The following AQR variants were observed in gnomAD, a reference collection of about 807,000 sequenced individuals.
AQR encodes RNA helicase aquarius.
In AQR, 61 loss-of-function variants were observed where a neutral mutation model predicts 180.5. That is an observed-to-expected ratio of 0.34 (90% confidence interval 0.28 to 0.42). The LOEUF is 0.42. Among genes scored for constraint, AQR ranks in the 10% least tolerant of loss-of-function variants. The pLI, the probability that AQR is intolerant of heterozygous loss-of-function variation, is 1.00. For missense variants in AQR, 1,281 were observed against 1,798.3 expected, an observed-to-expected ratio of 0.71 and a Z score of 5.20; for synonymous variants, 551 against 588.8, an observed-to-expected ratio of 0.94 and a Z score of 0.93.
At chr15:34,882,660 G>A (rs1029830898) in intron 26 of AQR, 21 bp from the exon 27 acceptor site, 5 of 1,587,560 alleles carry the variant, frequency 3.1e-6, no homozygotes, top group Non-Finnish European at 4.3e-6. Flanking sequence ...GAGGAGCAAT[G>A]AAAGATAATT....
At chr15:34,892,297 G>C (rs1208624800) in intron 23 of AQR, among the ~76,000 whole-genome samples, 1 of 152,102 alleles carries the variant, frequency 6.6e-6, no homozygotes, top group Admixed American at 6.5e-5. Context: ...ATTTCACATG[G>C]ATTTGAAATT....
intron 26 of AQR, among the ~76,000 whole-genome samples, chr15:34,882,926 G>T (rs1278366785): frequency 2.0e-5 from 3 of 152,040 alleles, no homozygotes; most frequent in Non-Finnish European, 4.4e-5. Context: ...ATTACTCAAC[G>T]TCCCTCCAGG....
chr15:34,915,966 G>A (rs1467908658), intron 15 of AQR, among the ~76,000 whole-genome samples: 1 of 151,736 alleles, frequency 6.6e-6, no homozygotes, highest in South Asian at 2.1e-4. Flanking sequence ...AAAAAAAAGA[G>A]AGAGAATTGG....
At chr15:34,912,416 T>TA (rs1391583553) in intron 16 of AQR, among the ~76,000 whole-genome samples, 2 of 152,142 alleles carry the variant, frequency 1.3e-5, no homozygotes, top group Admixed American at 6.5e-5. Context: ...CCTCTTTACT[T>TA]AGTTTTATTT....
At chr15:34,908,162 C>T (rs1174762158) in intron 17 of AQR, among the ~76,000 whole-genome samples, 2 of 152,108 alleles carry the variant, frequency 1.3e-5, no homozygotes, top group African/African-American at 4.8e-5. Flanking sequence ...TTTTATAAAA[C>T]AATATTCAGC....
intron 26 of AQR, among the ~76,000 whole-genome samples, chr15:34,883,770 A>C (rs1893011871): frequency 6.6e-6 from 1 of 152,214 alleles, no homozygotes; most frequent in Non-Finnish European, 1.5e-5. Flanking sequence ...CTATTTTTGC[A>C]ATGATGATTC....
chr15:34,888,771 G>A (rs1444441719), intron 24 of AQR, among the ~76,000 whole-genome samples: 1 of 152,116 alleles, frequency 6.6e-6, no homozygotes, highest in Non-Finnish European at 1.5e-5. Flanking sequence ...AGTTGTTTTA[G>A]GATAGTGTAA....
At chr15:34,860,545 T>C (rs573065178) in intron 33 of AQR, among the ~76,000 whole-genome samples, 12 of 152,152 alleles carry the variant, frequency 7.9e-5, no homozygotes, top group Non-Finnish European at 1.6e-4. Flanking sequence ...TAGTTTACTA[T>C]CTAATATAAA....
At chr15:34,961,063 T>C (rs1306224079) in intron 2 of AQR, among the ~76,000 whole-genome samples, 2 of 152,182 alleles carry the variant, frequency 1.3e-5, no homozygotes, top group African/African-American at 2.4e-5. Context: ...GATGTGCTTA[T>C]AAAGATTTTT....
chr15:34,930,908 C>T (rs1218464742), intron 11 of AQR, among the ~76,000 whole-genome samples: 1 of 147,250 alleles, frequency 6.8e-6, no homozygotes, highest in Non-Finnish European at 1.5e-5. Flanking sequence ...GCGATCTCGG[C>T]TCACTGCAAG....
chr15:34,927,841 T>C (rs946808617), intron 12 of AQR, among the ~76,000 whole-genome samples: 3 of 152,118 alleles, frequency 2.0e-5, no homozygotes, highest in African/African-American at 7.2e-5. Context: ...GATTATGAGA[T>C]TACTACACAC....
chr15:34,923,623 T>TG (rs1413821655), intron 13 of AQR, among the ~76,000 whole-genome samples: 27 of 152,316 alleles, frequency 1.8e-4, no homozygotes, highest in African/African-American at 6.5e-4. Context: ...ATGCAAGGTA[T>TG]GGGTCAATGT....
In AQR at chr15:34,884,659, A is replaced by C; in HGVS notation, c.2893T>G (p.Ser965Ala). 1 of 1,612,792 alleles carries C rather than the reference A, an allele frequency of 6.2e-7. No individual in the cohort carries two copies. Among genetic ancestry groups the C allele is most frequent in the Non-Finnish European group, 8.5e-7 (1 of 1,179,618 alleles). ...TATTCATGGAAAGGGAAGAAAGTGG[A>C]GACTTCCGTAACATCTGGCAATGTA... ...GSTLPDVTEV[S>A]TFFPFHEYFA... Residue 965 changes from serine (S) to alanine (A), a missense_variant, in exon 26 of 35, where the codon TCC becomes GCC. This residue lies in a region of AQR where 125 missense variants were observed against 185.0 expected (regional missense o/e 0.68). Transcript: ENST00000156471.
chr15:34,936,039 G>C (rs534538016), intron 9 of AQR, among the ~76,000 whole-genome samples: 1 of 152,128 alleles, frequency 6.6e-6, no homozygotes, highest in African/African-American at 2.4e-5. Context: ...GACTAAAGTT[G>C]CATGTTTTTT....
chr15:34,902,692 A>G (rs1893350094), intron 19 of AQR, among the ~76,000 whole-genome samples: 1 of 152,284 alleles, frequency 6.6e-6, no homozygotes, highest in African/African-American at 2.4e-5. Flanking sequence ...ATAAGAAAAC[A>G]ATGTTTTAGT....
intron 8 of AQR, 29 bp from the exon 9 acceptor site, chr15:34,938,842 A>G (rs756082499): frequency 1.1e-5 from 16 of 1,479,310 alleles, no homozygotes; most frequent in Non-Finnish European, 1.5e-5. Flanking sequence ...TTGACCAATT[A>G]TTTTTGAAGA....
chr15:34,919,506 G>T (rs912674665), intron 14 of AQR, among the ~76,000 whole-genome samples: 1 of 152,138 alleles, frequency 6.6e-6, no homozygotes, highest in Non-Finnish European at 1.5e-5. Context: ...ATTTTCTTTT[G>T]TTGGAACTAT....
intron 32 of AQR, among the ~76,000 whole-genome samples, chr15:34,865,569 A>G (rs757741466): frequency 1.3e-5 from 2 of 152,222 alleles, no homozygotes; most frequent in Non-Finnish European, 2.9e-5. Context: ...TCTACATCCA[A>G]GTGAAAGAAA....
At chr15:34,952,373 G>A (rs1595809517) in intron 4 of AQR, among the ~76,000 whole-genome samples, 1 of 152,180 alleles carries the variant, frequency 6.6e-6, no homozygotes, top group East Asian at 1.9e-4. Context: ...TTCTGTTTGA[G>A]AAATGGTAAA....
Sources: gnomAD v4.1 joint callset for allele counts (sites outside exome capture counted in the v4.1 genomes callset) on GRCh38, gnomAD v4.1.1 for gene constraint, gnomAD v4.1.1 regional missense constraint, MANE v1.5 for transcripts, NCBI Gene and HGNC (gene_info 2026-07-23, HGNC 2026-07-21) for gene names.